Variants in CHKA observed in about 807,000 individuals in gnomAD.
CHKA encodes the protein CHETK-alpha.
A neutral mutation model predicts 60.1 loss-of-function variants in CHKA; 34 were observed. The observed-to-expected ratio is 0.57, with a 90% confidence interval of 0.43 to 0.75. The LOEUF (loss-of-function observed/expected upper bound fraction) is 0.75. Ranked by LOEUF, CHKA falls within the 30% of genes least tolerant of loss-of-function variation. The pLI is 0.00. For missense variants in CHKA, 563 were observed against 561.3 expected, an observed-to-expected ratio of 1.00 and a Z score of -0.03; for synonymous variants, 217 against 223.1, an observed-to-expected ratio of 0.97 and a Z score of 0.24.
At chr11:68,112,278 G>A (rs936115560) in intron 1 of CHKA, among the ~76,000 whole-genome samples, 7 of 67,936 alleles carry the variant, frequency 1.0e-4, no homozygotes, top group South Asian at 5.7e-4. Context: ...TTTTTGAGAC[G>A]GAGTCTCACT....
chr11:68,065,740 T>C lies in CHKA; in HGVS notation c.1125+46A>G, dbSNP rs769853288. 3.2e-6 allele frequency: 4 copies of C among 1,259,224 alleles called. No individual in the cohort carries two copies. In the South Asian group the frequency reaches 3.6e-5, roughly 11 times the overall value. 78.0% of individuals were successfully genotyped at this position (1,259,224 alleles called of 1,614,324 possible). A position where few individuals can be genotyped will look rare whatever the true frequency, so the allele number is the denominator to read the frequency against. ...AAGATGTAATTCTAACTGCATGAAA[T>C]TGACATGTAATTTTCCTATCAAGTA... On this transcript the variant is annotated intron_variant, in intron 9 of 11. Transcript: ENST00000265689.
intron 1 of CHKA, among the ~76,000 whole-genome samples, chr11:68,103,385 C>G (rs1188136589): frequency 6.6e-6 from 1 of 151,494 alleles, no homozygotes; most frequent in Non-Finnish European, 1.5e-5. Context: ...AAATAAATGG[C>G]CAACAGGTAT....
At chr11:68,082,044 A>G (rs1054098972) in intron 2 of CHKA, 1 of 152,216 alleles carries the variant, frequency 6.6e-6, no homozygotes, top group African/African-American at 2.4e-5. Flanking sequence ...TTCCTCTACC[A>G]TAAAGAGGAC....
chr11:68,113,849 G>A (rs1237724679), intron 1 of CHKA, among the ~76,000 whole-genome samples: 2 of 152,062 alleles, frequency 1.3e-5, no homozygotes, highest in African/African-American at 4.8e-5. Flanking sequence ...AAATTAGCTA[G>A]GCGTAGTGGC....
intron 11 of CHKA, among the ~76,000 whole-genome samples, chr11:68,060,282 T>C (rs1856186571): frequency 6.6e-6 from 1 of 151,880 alleles, no homozygotes; most frequent in Non-Finnish European, 1.5e-5. Context: ...TCCGCCCGCC[T>C]CGGCCTCCCA....
At chr11:68,107,939 C>A (rs1394899698) in intron 1 of CHKA, among the ~76,000 whole-genome samples, 1 of 152,110 alleles carries the variant, frequency 6.6e-6, no homozygotes, top group Admixed American at 6.5e-5. Context: ...ACGGAAATTA[C>A]GATCTCATTG....
chr11:68,102,317 A>G (rs1022351541), intron 1 of CHKA, among the ~76,000 whole-genome samples: 46 of 152,140 alleles, frequency 3.0e-4, no homozygotes, highest in African/African-American at 9.2e-4. Flanking sequence ...ATATACTACA[A>G]AGTCATAGTA....
chr11:68,074,855 G>A (rs746867217), intron 3 of CHKA, 25 bp from the exon 4 acceptor site: 2 of 1,608,258 alleles, frequency 1.2e-6, no homozygotes, highest in Non-Finnish European at 1.7e-6. Flanking sequence ...AACAAATCAG[G>A]TGTTTACTGA....
chr11:68,055,768 G>C (rs1205437491), intron 11 of CHKA, among the ~76,000 whole-genome samples: 2 of 152,148 alleles, frequency 1.3e-5, no homozygotes, highest in Non-Finnish European at 2.9e-5. Context: ...GCTGAGGCCG[G>C]GCGCGGTGGC....
At chr11:68,091,490 T>A (rs571776602) in intron 2 of CHKA, among the ~76,000 whole-genome samples, 164 of 152,314 alleles carry the variant, frequency 1.1e-3, no homozygotes, top group African/African-American at 3.8e-3. Flanking sequence ...GGAATTTTCA[T>A]AAGCACCCTA....
At chr11:68,109,087 T>G (rs899628734) in intron 1 of CHKA, among the ~76,000 whole-genome samples, 1 of 128,336 alleles carries the variant, frequency 7.8e-6, no homozygotes, top group African/African-American at 3.0e-5. Context: ...TTTCTTTTCC[T>G]TTTTTTTTTT....
Position 68,070,832 on chromosome 11 carries a change from A to G in CHKA, c.656T>C (p.Leu219Ser). Reference protein sequence around the residue: ...IPSRRLDTEELSLPDISAEIA... With the variant: ...IPSRRLDTEESSLPDISAEIA... ...TTCTGCAGAAATATCTGGCAAACTT[A>G]ATTCTTCAGTATCTAATCGCCGGCT... The change falls in exon 5 of 12, where the codon TTA (leucine) becomes TCA (serine). Residue 219 changes from leucine (L) to serine (S), a missense_variant. Physicochemically the swap from Leu to Ser is moderately radical, Grantham distance 145. Coordinates refer to ENST00000265689, the MANE Select transcript of CHKA (RefSeq NM_001277.3). 1 of 1,612,786 alleles carries G rather than the reference A, an allele frequency of 6.2e-7. No homozygotes were observed. Among genetic ancestry groups the G allele is most frequent in the Non-Finnish European group, 8.5e-7 (1 of 1,178,978 alleles).
intron 4 of CHKA, 82 bp from the exon 5 acceptor site, chr11:68,070,939 AGT>A (rs1450114868): frequency 7.0e-7 from 1 of 1,434,332 alleles, no homozygotes; most frequent in Admixed American, 1.8e-5. Flanking sequence ...AGGAACGAGA[AGT>A]GTTTTTGTAG....
chr11:68,075,528 CA>C (rs2134564512), intron 3 of CHKA, among the ~76,000 whole-genome samples: 1 of 152,268 alleles, frequency 6.6e-6, no homozygotes, highest in East Asian at 1.9e-4. Flanking sequence ...GCTTTGATCT[CA>C]AAGCAAATTC....
chr11:68,085,219 T>A (rs1193855143), intron 2 of CHKA, among the ~76,000 whole-genome samples: 4 of 151,932 alleles, frequency 2.6e-5, no homozygotes, highest in Non-Finnish European at 5.9e-5. Flanking sequence ...TTTTAAGAGG[T>A]GAAACTTTAA....
intron 10 of CHKA, among the ~76,000 whole-genome samples, chr11:68,063,801 C>T (rs1056200298): frequency 2.6e-4 from 40 of 152,126 alleles, no homozygotes; most frequent in African/African-American, 8.9e-4. Flanking sequence ...GGTAGTCCTA[C>T]CTTCTTCTCT....
In CHKA at chr11:68,053,907, G is replaced by A. The variant is rs1176467764; in HGVS notation, c.*81C>T. 4 of 1,154,766 alleles carry A rather than the reference G, an allele frequency of 3.5e-6. No homozygotes were observed. The highest frequency in any genetic ancestry group is 3.0e-5 in the African/African-American group (2 of 65,596). The allele number at this position is 1,154,766 out of a possible 1,614,324, so 71.5% of individuals were successfully genotyped here. A position where few individuals can be genotyped will look rare whatever the true frequency, so the allele number is the denominator to read the frequency against. On this transcript the variant is annotated 3_prime_UTR_variant, in exon 12 of 12. Coordinates refer to ENST00000265689, the MANE Select transcript of CHKA (RefSeq NM_001277.3). ...CCCAAAGCCTCCTGCCACAGGAGCA[G>A]TAGTCGAAGCACAGAGGGGACCCCG...
chr11:68,067,487 C>T (rs537088775), intron 7 of CHKA, among the ~76,000 whole-genome samples: 14 of 152,084 alleles, frequency 9.2e-5, no homozygotes, highest in Non-Finnish European at 1.5e-4. Context: ...CCCAACTACT[C>T]AGGAGGCTAA....
chr11:68,099,770 C>T (rs1214795436), intron 1 of CHKA, among the ~76,000 whole-genome samples: 5 of 152,164 alleles, frequency 3.3e-5, no homozygotes, highest in Non-Finnish European at 4.4e-5. Flanking sequence ...GTTTTTCTTC[C>T]GGTCACATAC....
Sources: allele counts gnomAD v4.1 joint callset (sites outside exome capture counted in the v4.1 genomes callset), GRCh38; gene constraint gnomAD v4.1.1; transcripts MANE v1.5; gene names NCBI Gene and HGNC (gene_info 2026-07-23, HGNC 2026-07-21).